KATNA1: variants seen among roughly 807,000 people sequenced by gnomAD.
The protein encoded by KATNA1 is katanin catalytic subunit A1, also known as katanin p60 ATPase-containing subunit A1.
In KATNA1, 42 loss-of-function variants were observed where a neutral mutation model predicts 62.6. That is an observed-to-expected ratio of 0.67 (90% CI 0.52 to 0.87). The LOEUF is 0.87. Ranked by LOEUF, KATNA1 falls within the 40% of genes least tolerant of loss-of-function variation. The pLI is 0.00. For synonymous variants in KATNA1, 186 were observed against 201.9 expected (o/e 0.92, Z 0.67); for missense variants, 498 against 612.5 (o/e 0.81, Z 1.97).
In KATNA1 at chr6:149,613,179, C is replaced by CAAA. The variant is rs71270309; in HGVS notation, c.502-8400_502-8398dup. 1.4e-3 allele frequency among the ~76,000 whole-genome samples: 18 copies of CAAA among 12,574 alleles called. 3 individuals carry two copies. Among genetic ancestry groups the CAAA allele is most frequent in the Non-Finnish European group, 4.0e-3 (16 of 4,046 alleles). The allele number at this position is 12,574 out of a possible 152,430, so 8.2% of individuals were successfully genotyped here. A position where few individuals can be genotyped will look rare whatever the true frequency, so the allele number is the denominator to read the frequency against. On this transcript the variant is annotated intron_variant, in intron 4 of 10. Transcript: ENST00000367411. Reference sequence around the variant, plus strand: ...TGGGCAACAGAGCGAGACTCTGTCTCAAAAAAAAAAAAAAAAAAAAAAAAA... The same window carrying CAAA: ...TGGGCAACAGAGCGAGACTCTGTCTCAAAAAAAAAAAAAAAAAAAAAAAAAAAA...
At chr6:149,624,590 G>A (rs952455118) in intron 3 of KATNA1, among the ~76,000 whole-genome samples, 2 of 151,876 alleles carry the variant, frequency 1.3e-5, no homozygotes, top group African/African-American at 2.4e-5. Flanking sequence ...ATGTTGCCTA[G>A]GCTAGTATCA....
At chr6:149,613,556 G>A (rs1187264107) in intron 4 of KATNA1, among the ~76,000 whole-genome samples, 3 of 152,080 alleles carry the variant, frequency 2.0e-5, no homozygotes, top group Admixed American at 6.6e-5. Flanking sequence ...ATCAATTATT[G>A]GGACAGGATC....
chr6:149,618,860 C>G (rs936002691), intron 4 of KATNA1, among the ~76,000 whole-genome samples: 1 of 152,150 alleles, frequency 6.6e-6, no homozygotes, highest in Non-Finnish European at 1.5e-5. Flanking sequence ...ACGTTTACAC[C>G]TGAAACTATG....
rs528391948 is a variant in KATNA1 at position 149,613,275 on chromosome 6, T to C, written c.502-8493A>G. Reference sequence around the variant, plus strand: ...ACATTATACTCTCTGTGATGAAACATTGAATTCTTTCCTCCTAAAATCAGG... The same window carrying C: ...ACATTATACTCTCTGTGATGAAACACTGAATTCTTTCCTCCTAAAATCAGG... On this transcript the variant is annotated intron_variant, in intron 4 of 10. Coordinates refer to ENST00000367411, the MANE Select transcript of KATNA1 (RefSeq NM_007044.4). Among the ~76,000 whole-genome samples, 50 of 144,174 alleles carry C rather than the reference T, an allele frequency of 3.5e-4. No homozygotes were observed. The South Asian group carries it at 7.8e-3, about 22-fold the overall frequency. The allele number at this position is 144,174 out of a possible 152,430, so 94.6% of individuals were successfully genotyped here.
chr6:149,615,725 A>G (rs1406558700), intron 4 of KATNA1, among the ~76,000 whole-genome samples: 2 of 152,140 alleles, frequency 1.3e-5, no homozygotes, highest in African/African-American at 4.8e-5. Context: ...TTGAGGCTTT[A>G]GTGCATTATG....
intron 2 of KATNA1, among the ~76,000 whole-genome samples, chr6:149,635,145 G>A (rs1780021244): frequency 6.6e-6 from 1 of 152,112 alleles, no homozygotes; most frequent in Middle Eastern, 3.4e-3. Context: ...AGGCATGTTG[G>A]TTTGTGCCTG....
At position 149,608,872 on chromosome 6, in the gene KATNA1, TC is replaced by T. The variant is rs577446892; in HGVS notation, c.502-4091del. ...AGAGGCTGGCTGGGGAACCTGAACT[TC>T]CATCCCCACCTGGCAGCGGTGGCAC... is the stretch of plus-strand genomic sequence containing the variant. On this transcript the variant is annotated intron_variant, in intron 4 of 10. Transcript: ENST00000367411. Among the ~76,000 whole-genome samples, 257 of 152,254 alleles carry T rather than the reference TC, an allele frequency of 1.7e-3. 1 individual carries two copies. Among genetic ancestry groups the T allele is most frequent in the Non-Finnish European group, 3.2e-3 (220 of 68,032 alleles).
chr6:149,598,141 G>A, intron 8 of KATNA1, 83 bp downstream of exon 8: 1 of 1,478,176 alleles, frequency 6.8e-7, no homozygotes. Flanking sequence ...TTAGCACTAT[G>A]AGTAAAGTTT....
intron 3 of KATNA1, among the ~76,000 whole-genome samples, chr6:149,630,769 C>T (rs1306116665): frequency 1.3e-5 from 2 of 152,134 alleles, no homozygotes; most frequent in African/African-American, 4.8e-5. Context: ...CGGCAGATTC[C>T]TGAGTTCTAC....
At chr6:149,631,987 T>C (rs1211635374) in intron 3 of KATNA1, among the ~76,000 whole-genome samples, 1 of 152,230 alleles carries the variant, frequency 6.6e-6, no homozygotes, top group African/African-American at 2.4e-5. Context: ...TTTTCAATTT[T>C]AGCAAATTTA....
At chr6:149,626,364 C>T (rs78967123) in intron 3 of KATNA1, among the ~76,000 whole-genome samples, 8 of 130,478 alleles carry the variant, frequency 6.1e-5, no homozygotes, top group South Asian at 2.5e-4. Flanking sequence ...GCGCGATCTC[C>T]GCTCACTGCA....
intron 1 of KATNA1, among the ~76,000 whole-genome samples, chr6:149,646,958 T>C (rs1780508897): frequency 6.6e-6 from 1 of 152,202 alleles, no homozygotes; most frequent in Non-Finnish European, 1.5e-5. Flanking sequence ...TTCAACAAGA[T>C]TCTCTAATCC....
rs1778255202 is a variant in KATNA1 at position 149,595,230 on chromosome 6, C to T, written c.1282G>A (p.Ala428Thr). Residue 428 changes from alanine to threonine, a missense_variant, in exon 11 of 11, where the codon GCG (alanine) becomes ACG (threonine). Transcript: ENST00000367411. ...CGCCTTCTCATTGCCATCAAGGACG[C>T]ATCCCTAGGTTTTAAGTTAAAAACA... ...GADITNVCRD[A>T]SLMAMRRRIE... is the part of the protein sequence containing the mutation. The T allele has an allele frequency of 6.2e-7, 1 of 1,612,836 alleles. No individual in the cohort carries two copies. The highest frequency in any genetic ancestry group is 2.2e-5 in the East Asian group (1 of 44,848).
chr6:149,597,794 T>G (rs1444251156), intron 8 of KATNA1, among the ~76,000 whole-genome samples, 153 bp from the exon 9 acceptor site: 2 of 152,210 alleles, frequency 1.3e-5, no homozygotes, highest in Non-Finnish European at 2.9e-5. Context: ...CTGGTACCTA[T>G]GTGAATTTGT....
intron 10 of KATNA1, among the ~76,000 whole-genome samples, chr6:149,596,248 T>C (rs73006825): frequency 0.035 from 5,308 of 152,258 alleles, 132 homozygotes; most frequent in Non-Finnish European, 0.054. Flanking sequence ...ACAAAATGTA[T>C]GTGGGGCCGG....
chr6:149,628,544 G>A (rs568257714), intron 3 of KATNA1, among the ~76,000 whole-genome samples: 2 of 151,996 alleles, frequency 1.3e-5, no homozygotes, highest in South Asian at 4.2e-4. Flanking sequence ...ACTCTCGGCC[G>A]GGAGCATAGG....
chr6:149,625,357 G>A (rs577554018), intron 3 of KATNA1, among the ~76,000 whole-genome samples: 6 of 152,272 alleles, frequency 3.9e-5, no homozygotes, highest in South Asian at 2.1e-4. Context: ...ACTTCAGGCC[G>A]GGCACGGTGG....
In KATNA1 at chr6:149,613,388, A is replaced by G. The variant is rs569278205; in HGVS notation, c.502-8606T>C. Among the ~76,000 whole-genome samples, 31 of 152,100 alleles carry G rather than the reference A, an allele frequency of 2.0e-4. No individual in the cohort carries two copies. The South Asian group carries it at 5.6e-3, about 27-fold the overall frequency. ...TTCTAGCCAATGCAATAAGGTAAGA[A>G]GAGGAAATAAAAGGCATAGAAATCC... is the stretch of plus-strand genomic sequence containing the variant. On this transcript the variant is annotated intron_variant, in intron 4 of 10. Coordinates refer to ENST00000367411, the MANE Select transcript of KATNA1 (RefSeq NM_007044.4).
intron 4 of KATNA1, among the ~76,000 whole-genome samples, chr6:149,610,597 T>G (rs1012663980): frequency 6.6e-6 from 1 of 152,126 alleles, no homozygotes; most frequent in Non-Finnish European, 1.5e-5. Flanking sequence ...AGCATGGTAC[T>G]AAATAATCCA....
Sources: gnomAD v4.1 joint callset for allele counts (sites outside exome capture counted in the v4.1 genomes callset) on GRCh38, gnomAD v4.1.1 for gene constraint, MANE v1.5 for transcripts, NCBI Gene and HGNC (gene_info 2026-07-23, HGNC 2026-07-21) for gene names.